The following PAX8 variants were observed in gnomAD, a reference collection of about 807,000 sequenced individuals.
PAX8 encodes paired box 8, also known as paired box protein Pax-8.
Under a neutral mutation model 52.4 loss-of-function variants are expected in PAX8, and 15 were observed. That is an observed-to-expected ratio of 0.29 (90% confidence interval 0.19 to 0.44). The LOEUF (loss-of-function observed/expected upper bound fraction) is 0.44. Among genes scored for constraint, PAX8 ranks in the 20% least tolerant of loss-of-function variants. The probability of loss-of-function intolerance (pLI) is 1.00; values close to 1 mark genes in which losing one functional copy is unlikely to be tolerated. For missense variants in PAX8, 554 were observed against 602.5 expected (o/e 0.92, Z 0.84); for synonymous variants, 284 against 249.7 (o/e 1.14, Z -1.29).
intron 2 of PAX8, among the ~76,000 whole-genome samples, chr2:113,276,956 A>G (rs558301177): frequency 9.2e-5 from 14 of 152,218 alleles, no homozygotes; most frequent in Non-Finnish European, 1.6e-4. Context: ...GTATCGTACC[A>G]CGGTTTGGCT....
chr2:113,242,048 G>C lies in PAX8; in HGVS notation c.561C>G (p.Gly187=). The C allele has an allele frequency of 1.2e-6, 2 of 1,613,688 alleles. No individual in the cohort carries two copies. The highest frequency in any genetic ancestry group is 1.7e-6 in the Non-Finnish European group (2 of 1,179,796). Reference sequence around the variant, plus strand: ...TCTTGTCGCTGCCAGGCTGAGCGATGCCCAGGAGCCCATTGATGGAGTAGG... The same window carrying C: ...TCTTGTCGCTGCCAGGCTGAGCGATCCCCAGGAGCCCATTGATGGAGTAGG... ...GSTYSINGLL[G]IAQPGSDKRK... is the part of the protein sequence containing the mutation. Residue 187 remains glycine (G), a synonymous_variant, in exon 6 of 12, where the codon GGC becomes GGG. Transcript: ENST00000429538.
At chr2:113,255,626 T>G (rs994059997) in intron 2 of PAX8, 2 of 152,236 alleles carry the variant, frequency 1.3e-5, no homozygotes, top group African/African-American at 4.8e-5. Context: ...AGGAGTCTTC[T>G]GTGAGATTAG....
At chr2:113,274,028 G>T (rs910436477) in intron 2 of PAX8, 7 of 152,130 alleles carry the variant, frequency 4.6e-5, no homozygotes, top group South Asian at 2.1e-4. Context: ...AGACGTGCGT[G>T]TGTGTGCGTG....
chr2:113,236,378 G>C lies in PAX8; in HGVS notation c.898+223C>G, dbSNP rs4849184. The C allele has an allele frequency of 9.5e-4, 176 of 184,662 alleles. 3 individuals are homozygous for C. Among genetic ancestry groups the C allele is most frequent in the Middle Eastern group, 3.3e-3 (2 of 610 alleles). The allele number at this position is 184,662 out of a possible 1,614,324, so 11.4% of individuals were successfully genotyped here. ...GCCTAGGACCGGAGGCGCGACCCCTGGGCCCACCTTGAGGCCCGGCCTAGG... is the reference window on the plus strand; with the variant it reads ...GCCTAGGACCGGAGGCGCGACCCCTCGGCCCACCTTGAGGCCCGGCCTAGG... On this transcript the variant is annotated intron_variant, in intron 8 of 11. Transcript: ENST00000429538.
chr2:113,275,815 C>G (rs1481806755), intron 2 of PAX8: 1 of 152,236 alleles, frequency 6.6e-6, no homozygotes, highest in Admixed American at 6.5e-5. Context: ...CATCGCTGAC[C>G]TGCGCACGTT....
intron 10 of PAX8, among the ~76,000 whole-genome samples, chr2:113,221,968 GA>G (rs112660228): frequency 0.019 from 2,811 of 149,936 alleles, 109 homozygotes; most frequent in African/African-American, 0.065. Context: ...AAAAAGCAAA[GA>G]AAAAAAAACC....
At chr2:113,268,056 G>A (rs1480607982) in intron 2 of PAX8, 1 of 152,336 alleles carries the variant, frequency 6.6e-6, no homozygotes, top group Non-Finnish European at 1.5e-5. Context: ...TGCACCTTGA[G>A]TGCCTTCCTG....
intron 11 of PAX8, among the ~76,000 whole-genome samples, chr2:113,219,644 T>C (rs1689169812): frequency 6.6e-6 from 1 of 152,160 alleles, no homozygotes; most frequent in African/African-American, 2.4e-5. Flanking sequence ...AGATGGTTAA[T>C]GGGGGCAACA....
chr2:113,257,690 C>T (rs1403353432), intron 2 of PAX8, among the ~76,000 whole-genome samples: 1 of 152,018 alleles, frequency 6.6e-6, no homozygotes, highest in Admixed American at 6.5e-5. Flanking sequence ...CAATGCTGGA[C>T]CTAAAAGAAG....
chr2:113,234,146 T>A (rs1368402800), intron 9 of PAX8, among the ~76,000 whole-genome samples: 1 of 152,270 alleles, frequency 6.6e-6, no homozygotes, highest in African/African-American at 2.4e-5. Flanking sequence ...TCCCTGGTCC[T>A]GGGCCCCCAC....
chr2:113,250,092 C>A (rs947256347), intron 2 of PAX8, among the ~76,000 whole-genome samples: 1 of 151,750 alleles, frequency 6.6e-6, no homozygotes, highest in East Asian at 1.9e-4. Flanking sequence ...ATGGTGAAAC[C>A]CCGTCTCTAC....
Position 113,246,826 on chromosome 2 carries a change from T to C in PAX8, c.119A>G (p.Gln40Arg). 1.2e-6 allele frequency: 2 copies of C among 1,614,252 alleles called. No individual in the cohort carries two copies. The highest frequency in any genetic ancestry group is 1.7e-6 in the Non-Finnish European group (2 of 1,180,042). Reference sequence around the variant, plus strand: ...AGAGATGTCGCAGGGCCTTACACCCTGGTGGGCCAGGTCTACGATGCGCTG... The same window carrying C: ...AGAGATGTCGCAGGGCCTTACACCCCGGTGGGCCAGGTCTACGATGCGCTG... ...VRQRIVDLAH[Q>R]GVRPCDISRQ... is the part of the protein sequence containing the mutation. The change falls in exon 3 of 12, where the codon CAG becomes CGG. Residue 40 changes from glutamine (Q) to arginine (R), a missense_variant. Coordinates refer to ENST00000429538, the MANE Select transcript of PAX8 (RefSeq NM_003466.4).
At chr2:113,260,747 A>C (rs1692604980) in intron 2 of PAX8, among the ~76,000 whole-genome samples, 1 of 152,132 alleles carries the variant, frequency 6.6e-6, no homozygotes, top group Non-Finnish European at 1.5e-5. Flanking sequence ...GAAGGCCGAG[A>C]TTCTTTGCTT....
At chr2:113,231,280 G>A (rs1689873220) in intron 9 of PAX8, among the ~76,000 whole-genome samples, 2 of 152,340 alleles carry the variant, frequency 1.3e-5, no homozygotes, top group African/African-American at 2.4e-5. Context: ...CCTTTGAGCT[G>A]AGCTGGAGGC....
intron 10 of PAX8, among the ~76,000 whole-genome samples, chr2:113,224,463 C>A (rs12619508): frequency 0.42 from 62,338 of 150,208 alleles, 13,932 homozygotes; most frequent in East Asian, 0.65. Context: ...AGGAGAATCA[C>A]TTGAACCCGG....
chr2:113,256,530 C>G (rs971579446), intron 2 of PAX8, among the ~76,000 whole-genome samples: 1 of 151,892 alleles, frequency 6.6e-6, no homozygotes, highest in Non-Finnish European at 1.5e-5. Context: ...TACTACTTGC[C>G]GGGTGGCCCA....
chr2:113,230,900 C>T (rs1411194207), intron 9 of PAX8, among the ~76,000 whole-genome samples: 3 of 152,164 alleles, frequency 2.0e-5, no homozygotes, highest in Non-Finnish European at 2.9e-5. Flanking sequence ...TTCTTTCCAA[C>T]GTGGTCCTAT....
intron 4 of PAX8, among the ~76,000 whole-genome samples, chr2:113,243,376 C>T (rs1338503399): frequency 2.2e-5 from 3 of 137,466 alleles, no homozygotes; most frequent in African/African-American, 5.5e-5. Context: ...TCTTTATCTA[C>T]TGGTTTTCTT....
chr2:113,247,378 A>G (rs148015637), intron 2 of PAX8, among the ~76,000 whole-genome samples: 17 of 152,316 alleles, frequency 1.1e-4, no homozygotes, highest in Non-Finnish European at 2.2e-4. Flanking sequence ...CCTTCTCCTC[A>G]TGGAACCAGA....
Sources: gnomAD v4.1 joint callset for allele counts (sites outside exome capture counted in the v4.1 genomes callset) on GRCh38, gnomAD v4.1.1 for gene constraint, MANE v1.5 for transcripts, NCBI Gene and HGNC (gene_info 2026-07-23, HGNC 2026-07-21) for gene names.